Variants in DPP6 observed in about 807,000 individuals in gnomAD.
DPP6 encodes dipeptidyl peptidase like 6.
In DPP6, 69 loss-of-function variants were observed where a neutral mutation model predicts 122.6. The ratio of observed to expected loss-of-function variants is 0.56; its 90% CI spans 0.46 to 0.69. DPP6 has a LOEUF of 0.69. Among genes scored for constraint, DPP6 ranks in the 30% least tolerant of loss-of-function variants. DPP6 has a pLI of 0.00. For missense variants in DPP6, 928 were observed against 1,116.9 expected (o/e 0.83, Z 2.41); for synonymous variants, 418 against 433.1 (o/e 0.97, Z 0.43).
chr7:154,611,306 G>A (rs12719632), intron 5 of DPP6, among the ~76,000 whole-genome samples: 61,503 of 151,952 alleles, frequency 0.4, 13,463 homozygotes, highest in East Asian at 0.65. Flanking sequence ...ACTTTATCTC[G>A]TTAGCTTGGG....
chr7:154,658,353 C>T (rs1324852356), intron 6 of DPP6, among the ~76,000 whole-genome samples: 2 of 152,080 alleles, frequency 1.3e-5, no homozygotes, highest in African/African-American at 2.4e-5. Context: ...AAATATAAAG[C>T]TTATTAATTA....
chr7:154,754,235 C>A (rs1009865877), intron 8 of DPP6, among the ~76,000 whole-genome samples: 1 of 152,200 alleles, frequency 6.6e-6, no homozygotes, highest in Admixed American at 6.5e-5. Context: ...AGGAAAAATT[C>A]TTTCCATCAT....
intron 5 of DPP6, among the ~76,000 whole-genome samples, chr7:154,636,906 C>T (rs1835759933): frequency 6.6e-6 from 1 of 152,172 alleles, no homozygotes. Flanking sequence ...AAATGTTGGT[C>T]ACTGAACATT....
At chr7:154,246,083 C>CA (rs1801966034) in intron 1 of DPP6, among the ~76,000 whole-genome samples, 1 of 151,794 alleles carries the variant, frequency 6.6e-6, no homozygotes, top group South Asian at 2.1e-4. Context: ...ATTAGAAATC[C>CA]AAAACAATAA....
At chr7:154,825,622 T>C in intron 16 of DPP6, among the ~76,000 whole-genome samples, 1 of 152,154 alleles carries the variant, frequency 6.6e-6, no homozygotes, top group East Asian at 1.9e-4. Context: ...TGCCTCAGTG[T>C]TGAGGAAGCC....
the DPP6 span, among the ~76,000 whole-genome samples, chr7:153,846,477 T>C: frequency 1.3e-5 from 2 of 152,120 alleles, no homozygotes; most frequent in African/African-American, 2.4e-5. Flanking sequence ...ATTCAACTTA[T>C]TAATTTTTTT....
rs987693909 is a variant in DPP6, at chr7:154,333,440, C to T, written c.244-112774C>T. On this transcript the variant is annotated intron_variant, in intron 1 of 25. Transcript: ENST00000377770. ...CTCGTCTGTAATTCTGTACTTAAAT[C>T]GTGAACTGCTAGCACTATCGATTAA... Among the ~76,000 whole-genome samples the T allele has an allele frequency of 1.2e-4, 19 of 152,132 alleles. 1 individual carries two copies. The highest frequency in any genetic ancestry group is 1.1e-3 in the Admixed American group (17 of 15,268).
chr7:154,034,429 C>T (rs1335788600), intron 1 of DPP6, among the ~76,000 whole-genome samples: 3 of 152,114 alleles, frequency 2.0e-5, no homozygotes, highest in African/African-American at 7.2e-5. Flanking sequence ...ATGCCTTTAT[C>T]CCCCCTCTGC....
chr7:154,113,165 A>G (rs947332611), intron 1 of DPP6, among the ~76,000 whole-genome samples: 8 of 152,234 alleles, frequency 5.3e-5, no homozygotes, highest in African/African-American at 1.9e-4. Flanking sequence ...GCTATTATGA[A>G]TAATGCTGCA....
Position 154,552,177 on chromosome 7 carries a change from C to T in DPP6, c.552+11551C>T, listed in dbSNP as rs142951666. Among the ~76,000 whole-genome samples, 82 of 152,276 alleles carry T rather than the reference C, an allele frequency of 5.4e-4. 1 individual carries two copies. Among genetic ancestry groups the T allele is most frequent in the African/African-American group, 1.9e-3 (79 of 41,562 alleles). Reference sequence around the variant, plus strand: ...CAGCTGGTGTTGATTAGAGGCAGTGCACTGTCAGTCTCAGAAGACCTGCTT... The same window carrying T: ...CAGCTGGTGTTGATTAGAGGCAGTGTACTGTCAGTCTCAGAAGACCTGCTT... On this transcript the variant is annotated intron_variant, in intron 4 of 25. Transcript: ENST00000377770.
chr7:154,732,159 C>T (rs1842370088), intron 8 of DPP6, among the ~76,000 whole-genome samples: 1 of 152,054 alleles, frequency 6.6e-6, no homozygotes, highest in Non-Finnish European at 1.5e-5. Flanking sequence ...CTGCCTCAGC[C>T]TCCTGAGTAG....
intron 1 of DPP6, among the ~76,000 whole-genome samples, chr7:154,401,171 T>C (rs1390556655): frequency 6.7e-6 from 1 of 149,028 alleles, no homozygotes; most frequent in African/African-American, 2.5e-5. Context: ...CACTACAGCC[T>C]GGGTGATAGG....
intron 3 of DPP6, among the ~76,000 whole-genome samples, chr7:154,518,843 T>C (rs1039703775): frequency 3.9e-5 from 6 of 152,110 alleles, no homozygotes; most frequent in Non-Finnish European, 7.4e-5. Context: ...ATATCCCCAT[T>C]TTTTTTCAGA....
chr7:154,058,465 A>T (rs1801121553), intron 1 of DPP6: 1 of 110,698 alleles, frequency 9.0e-6, no homozygotes, highest in African/African-American at 3.6e-5. Flanking sequence ...GGCTGTTGGT[A>T]CCCCCATCGT....
chr7:154,213,179 G>A lies in DPP6; in HGVS notation c.243+160116G>A, dbSNP rs369815580. The stretch of plus-strand genomic sequence containing the variant: ...TGGGAGCATGATTCCAAATGTAGAC[G>A]TAATCCAGACCTGCAGCTTCAAAAA... On this transcript the variant is annotated intron_variant, in intron 1 of 25. Transcript: ENST00000377770. Among the ~76,000 whole-genome samples, 7 of 152,114 alleles carry A rather than the reference G, an allele frequency of 4.6e-5. No individual in the cohort carries two copies. The East Asian group carries it at 9.7e-4, about 21-fold the overall frequency.
rs543955023 is a variant in DPP6, at chr7:154,175,997, C to CT, written c.243+122942dup. On this transcript the variant is annotated intron_variant, in intron 1 of 25. Transcript: ENST00000377770. The stretch of plus-strand genomic sequence containing the variant: ...GCCACCATGCCCAGCCAGAGGCTGG[C>CT]TTTTTTTTGCTTCAAATGCTTTATG... Among the ~76,000 whole-genome samples, 360 of 151,948 alleles carry CT rather than the reference C, an allele frequency of 2.4e-3. 2 individuals are homozygous for CT. Among genetic ancestry groups the CT allele is most frequent in the African/African-American group, 7.9e-3 (327 of 41,460 alleles).
Position 154,760,629 on chromosome 7 carries a change from C to CGAT in DPP6, c.884-8787_884-8785dup. Among the ~76,000 whole-genome samples, 1 of 152,014 alleles carries CGAT rather than the reference C, an allele frequency of 6.6e-6. No individual in the cohort carries two copies. The stretch of plus-strand genomic sequence containing the variant: ...CAACTGAGTGGGTGGATGACCCAGT[C>CGAT]GATTAACAAATGAGTGAGAAACGAG... On this transcript the variant is annotated intron_variant, in intron 8 of 25. Transcript: ENST00000377770. This position sits in a 1 kb window ranked among gnomAD's most constrained non-coding sequence, Gnocchi z 4.5.
chr7:154,402,371 G>A (rs1289081003), intron 1 of DPP6, among the ~76,000 whole-genome samples: 6 of 149,084 alleles, frequency 4.0e-5, no homozygotes, highest in Non-Finnish European at 7.5e-5. Flanking sequence ...ATGATAGACT[G>A]GATTAAGAAA....
chr7:154,435,723 A>G (rs1586263989), intron 1 of DPP6, among the ~76,000 whole-genome samples: 1 of 152,204 alleles, frequency 6.6e-6, no homozygotes, highest in African/African-American at 2.4e-5. Context: ...CTGTTTTACC[A>G]TCCTGAGATA....
Sources: allele counts gnomAD v4.1 joint callset (sites outside exome capture counted in the v4.1 genomes callset), GRCh38; gene constraint gnomAD v4.1.1; non-coding constraint Gnocchi (gnomAD v3.1); transcripts MANE v1.5; gene names NCBI Gene and HGNC (gene_info 2026-07-23, HGNC 2026-07-21).